The following KLHL1 variants were observed in gnomAD, a reference collection of about 807,000 sequenced individuals.
KLHL1 encodes the protein kelch like family member 1, also known as kelch-like protein 1.
A neutral mutation model predicts 77.7 loss-of-function variants in KLHL1; 47 were observed. The ratio of observed to expected loss-of-function variants is 0.60; its 90% confidence interval spans 0.48 to 0.77. KLHL1 has a LOEUF of 0.77. KLHL1 is among the 30% of genes least tolerant of loss of function. The pLI is 0.00. For missense variants in KLHL1, 925 were observed against 910.8 expected (o/e 1.02, Z -0.20); for synonymous variants, 360 against 325.2 (o/e 1.11, Z -1.15).
At chr13:69,834,116 A>T (rs2138099685) in intron 6 of KLHL1, among the ~76,000 whole-genome samples, 1 of 151,996 alleles carries the variant, frequency 6.6e-6, no homozygotes, top group African/African-American at 2.4e-5. Context: ...TGAGGGACAA[A>T]AGACTACACA....
intron 1 of KLHL1, among the ~76,000 whole-genome samples, chr13:70,010,849 G>A (rs747872968): frequency 3.8e-4 from 57 of 151,574 alleles, no homozygotes; most frequent in African/African-American, 9.4e-4. Context: ...CCAAGATTGC[G>A]CCATTGCACT....
At chr13:70,010,084 A>T (rs930905996) in intron 1 of KLHL1, among the ~76,000 whole-genome samples, 2 of 151,738 alleles carry the variant, frequency 1.3e-5, no homozygotes, top group African/African-American at 2.4e-5. Context: ...CAAGGAAACA[A>T]GTGTAGCTAG....
chr13:69,964,672 A>T (rs1324541049), intron 2 of KLHL1, among the ~76,000 whole-genome samples: 2 of 152,136 alleles, frequency 1.3e-5, no homozygotes, highest in Non-Finnish European at 2.9e-5. Flanking sequence ...AATTCATTTT[A>T]CACTCAATTT....
intron 1 of KLHL1, among the ~76,000 whole-genome samples, chr13:70,102,850 A>G (rs540852217): frequency 3.2e-4 from 49 of 152,296 alleles, no homozygotes; most frequent in African/African-American, 1.1e-3. Context: ...GCCACTAAAT[A>G]TGATTATATC....
intron 1 of KLHL1, among the ~76,000 whole-genome samples, chr13:69,982,890 A>G (rs2137301555): frequency 6.6e-6 from 1 of 152,278 alleles, no homozygotes; most frequent in South Asian, 2.1e-4. Flanking sequence ...AGAAGAAAGG[A>G]CATTCAAACT....
At chr13:69,874,583 T>C (rs1880699008) in intron 5 of KLHL1, among the ~76,000 whole-genome samples, 1 of 152,178 alleles carries the variant, frequency 6.6e-6, no homozygotes, top group Admixed American at 6.5e-5. Flanking sequence ...TTATACCCTA[T>C]ATTAATGTCA....
intron 7 of KLHL1, among the ~76,000 whole-genome samples, chr13:69,772,314 G>A (rs1357519520): frequency 6.6e-6 from 1 of 151,812 alleles, no homozygotes; most frequent in African/African-American, 2.4e-5. Flanking sequence ...AAACCAAAAA[G>A]AAATTGTCCT....
At position 69,833,999 on chromosome 13, in the gene KLHL1, T is replaced by C. The variant is rs1172589038; in HGVS notation, c.1414+4977A>G. Reference sequence around the variant, plus strand: ...TAACCCAGCAATGGAAAACCTAAAATCGTATGTTCTCATTTATAAGTGTGA... The same window carrying C: ...TAACCCAGCAATGGAAAACCTAAAACCGTATGTTCTCATTTATAAGTGTGA... On this transcript the variant is annotated intron_variant, in intron 6 of 10. Transcript: ENST00000377844. Among the ~76,000 whole-genome samples, 3 of 151,814 alleles carry C rather than the reference T, an allele frequency of 2.0e-5. No homozygotes were observed. In the East Asian group the frequency reaches 5.8e-4, roughly 29 times the overall value.
chr13:70,062,287 C>A (rs1886910380), intron 1 of KLHL1, among the ~76,000 whole-genome samples: 1 of 152,064 alleles, frequency 6.6e-6, no homozygotes, highest in South Asian at 2.1e-4. Flanking sequence ...ATTTATTTAT[C>A]TGTATTTACC....
At position 69,923,428 on chromosome 13, in the gene KLHL1, T is replaced by C. The variant is rs148850862; in HGVS notation, c.1014+16612A>G. Reference sequence around the variant, plus strand: ...TTTGGAGGGCAGGTGCTAAAGTTCTTGTCTTCTTGAAATTGCAGGGAAAGC... The same window carrying C: ...TTTGGAGGGCAGGTGCTAAAGTTCTCGTCTTCTTGAAATTGCAGGGAAAGC... On this transcript the variant is annotated intron_variant, in intron 4 of 10. Coordinates refer to ENST00000377844, the MANE Select transcript of KLHL1 (RefSeq NM_020866.3). Among the ~76,000 whole-genome samples the C allele has an allele frequency of 5.3e-3, 802 of 152,300 alleles. 9 individuals carry two copies. The highest frequency in any genetic ancestry group is 0.018 in the African/African-American group (762 of 41,568).
intron 3 of KLHL1, among the ~76,000 whole-genome samples, chr13:69,943,320 T>TA (rs543306191): frequency 2.2e-4 from 34 of 151,968 alleles, no homozygotes; most frequent in Admixed American, 1.7e-3. Context: ...GGTTAATAGA[T>TA]AAAAAAGACT....
chr13:69,939,385 ACACACG>A (rs1191094010), intron 4 of KLHL1, among the ~76,000 whole-genome samples: 1 of 138,644 alleles, frequency 7.2e-6, no homozygotes, highest in Non-Finnish European at 1.5e-5. Flanking sequence ...ATATACACAC[ACACACG>A]CACACACATA....
rs1885692242 is a variant in KLHL1 at position 70,017,673 on chromosome 13, T to C, written c.498-41871A>G. Among the ~76,000 whole-genome samples the C allele has an allele frequency of 2.6e-5, 4 of 152,196 alleles. No homozygotes were observed. In the South Asian group the frequency reaches 6.2e-4, roughly 24 times the overall value. On this transcript the variant is annotated intron_variant, in intron 1 of 10. Coordinates refer to ENST00000377844, the MANE Select transcript of KLHL1 (RefSeq NM_020866.3). ...GAGCAATACTCAGACCGAAGGTGCA[T>C]ACACATACAAATGTGCATAAGCTCA...
chr13:69,842,062 G>T (rs540790872), intron 5 of KLHL1, among the ~76,000 whole-genome samples: 4 of 151,806 alleles, frequency 2.6e-5, no homozygotes, highest in Non-Finnish European at 5.9e-5. Context: ...ATACACAAAT[G>T]TAAGTTGCAA....
intron 7 of KLHL1, among the ~76,000 whole-genome samples, chr13:69,755,197 T>C (rs1874654278): frequency 6.6e-6 from 1 of 151,978 alleles, no homozygotes; most frequent in Non-Finnish European, 1.5e-5. Context: ...AAGAGATCTG[T>C]TTGTTTAAAA....
chr13:69,774,999 A>G, intron 7 of KLHL1, among the ~76,000 whole-genome samples: 1 of 152,198 alleles, frequency 6.6e-6, no homozygotes, highest in East Asian at 1.9e-4. Flanking sequence ...GCTTTTTGGA[A>G]CAAACTTTAA....
intron 4 of KLHL1, among the ~76,000 whole-genome samples, chr13:69,908,026 A>C (rs905036615): frequency 2.0e-5 from 3 of 152,072 alleles, no homozygotes; most frequent in African/African-American, 7.2e-5. Context: ...AATGTGTTGG[A>C]CAAGATAATT....
At chr13:69,884,839 C>A (rs78881820) in intron 4 of KLHL1, among the ~76,000 whole-genome samples, 1 of 151,908 alleles carries the variant, frequency 6.6e-6, no homozygotes, top group Non-Finnish European at 1.5e-5. Flanking sequence ...AAATTGAAAT[C>A]TATCTCGTAG....
At chr13:70,043,374 A>G (rs1886423591) in intron 1 of KLHL1, among the ~76,000 whole-genome samples, 1 of 152,210 alleles carries the variant, frequency 6.6e-6, no homozygotes. Context: ...TAAGTTAAGA[A>G]AGTTACAGAA....
Sources: allele counts gnomAD v4.1 joint callset (sites outside exome capture counted in the v4.1 genomes callset), GRCh38; gene constraint gnomAD v4.1.1; transcripts MANE v1.5; gene names NCBI Gene and HGNC (gene_info 2026-07-23, HGNC 2026-07-21).